Variants in MEIS1 observed in about 807,000 individuals in gnomAD.
MEIS1 encodes the protein Meis homeobox 1, also known as homeobox protein Meis1.
In MEIS1, 5 loss-of-function variants were observed where a neutral mutation model predicts 50.8. The observed-to-expected ratio is 0.10, with a 90% CI of 0.05 to 0.21. The LOEUF (loss-of-function observed/expected upper bound fraction) is 0.21, where lower values mean the gene tolerates loss of function less well. Ranked by LOEUF, MEIS1 falls within the 10% of genes least tolerant of loss-of-function variation. The pLI, the probability that MEIS1 is intolerant of heterozygous loss-of-function variation, is 1.00. For missense variants in MEIS1, 318 were observed against 517.3 expected (o/e 0.61, Z 3.74); for synonymous variants, 176 against 179.3 (o/e 0.98, Z 0.15).
intron 6 of MEIS1, among the ~76,000 whole-genome samples, chr2:66,444,838 A>G (rs1036053394): frequency 3.3e-5 from 5 of 152,240 alleles, no homozygotes; most frequent in South Asian, 2.1e-4. Flanking sequence ...ACATAAAGCT[A>G]TTTGAGCAAA....
chr2:66,519,463 C>T (rs1464758314), intron 8 of MEIS1, among the ~76,000 whole-genome samples: 1 of 151,884 alleles, frequency 6.6e-6, no homozygotes, highest in Admixed American at 6.6e-5. Flanking sequence ...TTGATAGTCA[C>T]TTCAGTGTGT....
intron 9 of MEIS1, among the ~76,000 whole-genome samples, chr2:66,559,175 C>A (rs115974196): frequency 0.021 from 3,109 of 151,598 alleles, 50 homozygotes; most frequent in South Asian, 0.058. Flanking sequence ...GACAAACAAA[C>A]AAGTAAACAA....
chr2:66,443,046 C>G lies in MEIS1; in HGVS notation c.628C>G (p.Gln210Glu), dbSNP rs1289683834. The change falls in exon 6 of 13, where the codon CAG becomes GAG. Residue 210 changes from glutamine to glutamate, a missense_variant and splice_region_variant. By Grantham distance (29) the Gln-to-Glu change is conservative (BLOSUM62 2). Around this residue, in one of 6 missense-constraint regions of MEIS1, gnomAD observed 48 missense variants for 50.9 expected, o/e 0.94. Coordinates refer to ENST00000272369, the MANE Select transcript of MEIS1 (RefSeq NM_002398.3). ...DITRSANLTD[Q>E]PSWNRDHDDT... ...AACAAGATCAGCAAATCTAACTGAC[C>G]AGGTATGCGCTTTTCAATTTCAACA... 1.3e-6 allele frequency: 2 copies of G among 1,572,468 alleles called. No homozygotes were observed. The highest frequency in any genetic ancestry group is 1.7e-6 in the Non-Finnish European group (2 of 1,166,674).
chr2:66,490,377 C>T (rs193111156), intron 7 of MEIS1, among the ~76,000 whole-genome samples: 34 of 152,248 alleles, frequency 2.2e-4, no homozygotes, highest in Admixed American at 5.2e-4. Flanking sequence ...CAAACAAACC[C>T]CCAACTCAAG....
intron 6 of MEIS1, among the ~76,000 whole-genome samples, chr2:66,460,948 A>G (rs1672503828): frequency 6.6e-6 from 1 of 152,198 alleles, no homozygotes. Context: ...AAAATCTTCC[A>G]TAGGTGATTC....
chr2:66,541,774 T>A lies in MEIS1; in HGVS notation c.889-6169T>A, dbSNP rs1674658270. Reference sequence around the variant, plus strand: ...AGTCCCAACACCACCCTTCCTTCTTTTGATTCCAGCATGTGCGAGGATGCA... The same window carrying A: ...AGTCCCAACACCACCCTTCCTTCTTATGATTCCAGCATGTGCGAGGATGCA... On this transcript the variant is annotated intron_variant, in intron 8 of 12. Transcript: ENST00000272369. Among the ~76,000 whole-genome samples, 6 of 152,204 alleles carry A rather than the reference T, an allele frequency of 3.9e-5. No homozygotes were observed. The South Asian group carries it at 1.2e-3, about 31-fold the overall frequency.
intron 8 of MEIS1, among the ~76,000 whole-genome samples, chr2:66,534,472 T>C (rs1353954180): frequency 1.3e-5 from 2 of 152,044 alleles, no homozygotes; most frequent in Non-Finnish European, 2.9e-5. Context: ...AGGCAGAGGT[T>C]GCAGTGAGCC....
chr2:66,512,550 A>AT (rs1198516752), intron 8 of MEIS1, among the ~76,000 whole-genome samples: 1 of 152,116 alleles, frequency 6.6e-6, no homozygotes, highest in African/African-American at 2.4e-5. Flanking sequence ...TGCACTTGTG[A>AT]TTTTAAGTAT....
At chr2:66,559,424 T>C (rs755466379) in intron 9 of MEIS1, among the ~76,000 whole-genome samples, 1 of 152,186 alleles carries the variant, frequency 6.6e-6, no homozygotes, top group Non-Finnish European at 1.5e-5. Flanking sequence ...ATATTTATAA[T>C]AGAGATTGGC....
intron 7 of MEIS1, among the ~76,000 whole-genome samples, chr2:66,488,601 C>A (rs919194420): frequency 2.0e-5 from 3 of 152,140 alleles, no homozygotes; most frequent in African/African-American, 7.2e-5. Flanking sequence ...TGGCATGAAC[C>A]CGGGAGGCAG....
At chr2:66,453,847 C>G (rs754824350) in intron 6 of MEIS1, among the ~76,000 whole-genome samples, 6 of 151,654 alleles carry the variant, frequency 4.0e-5, no homozygotes, top group Non-Finnish European at 7.4e-5. Flanking sequence ...CTTCTTATGT[C>G]TCAATTGTGT....
chr2:66,533,007 T>C (rs1006889263), intron 8 of MEIS1, among the ~76,000 whole-genome samples: 4 of 152,212 alleles, frequency 2.6e-5, no homozygotes, highest in African/African-American at 4.8e-5. Flanking sequence ...GTATTGTGAC[T>C]GTGCTAGAAT....
At chr2:66,455,474 G>A (rs1024802329) in intron 6 of MEIS1, among the ~76,000 whole-genome samples, 9 of 152,320 alleles carry the variant, frequency 5.9e-5, no homozygotes, top group African/African-American at 2.2e-4. Flanking sequence ...TATTCTGAGT[G>A]TTGTTTTACA....
In MEIS1 at chr2:66,535,909, C is replaced by T. The variant is rs189634091; in HGVS notation, c.889-12034C>T. ...ATTAAAAACTGAAGTGCATGGTGCACAGAATAGAGAAAATTAAATAGCTTA... is the reference window on the plus strand; with the variant it reads ...ATTAAAAACTGAAGTGCATGGTGCATAGAATAGAGAAAATTAAATAGCTTA... On this transcript the variant is annotated intron_variant, in intron 8 of 12. Coordinates refer to ENST00000272369, the MANE Select transcript of MEIS1 (RefSeq NM_002398.3). Among the ~76,000 whole-genome samples the T allele has an allele frequency of 3.7e-3, 568 of 152,108 alleles. 3 individuals are homozygous for T. Among genetic ancestry groups the T allele is most frequent in the Non-Finnish European group, 5.9e-3 (400 of 67,996 alleles).
intron 7 of MEIS1, among the ~76,000 whole-genome samples, chr2:66,502,104 T>C (rs1338214742): frequency 6.6e-6 from 1 of 152,260 alleles, no homozygotes; most frequent in Non-Finnish European, 1.5e-5. Flanking sequence ...GACCTAGATA[T>C]ACATACAGAT....
At position 66,572,527 on chromosome 2, in the gene MEIS1, C is replaced by T. The variant is rs1675506427; in HGVS notation, c.*1319C>T. On this transcript the variant is annotated 3_prime_UTR_variant, in exon 13 of 13. Coordinates refer to ENST00000272369, the MANE Select transcript of MEIS1 (RefSeq NM_002398.3). ...TGAGTTGGCATGCATACAAGATTTA[C>T]TAAGTGGGATAAGCTAATTATACTT... 6.6e-6 allele frequency: 1 copy of T among 151,954 alleles called. No homozygotes were observed. Among genetic ancestry groups the T allele is most frequent in the African/African-American group, 2.4e-5 (1 of 41,366 alleles). 9.4% of individuals were successfully genotyped at this position (151,954 alleles called of 1,614,324 possible).
At chr2:66,558,926 G>C (rs1266798335) in intron 9 of MEIS1, among the ~76,000 whole-genome samples, 1 of 152,134 alleles carries the variant, frequency 6.6e-6, no homozygotes, top group African/African-American at 2.4e-5. Context: ...CAGATCACCT[G>C]AGGTCAGGAG....
At chr2:66,513,873 T>A (rs1673898696) in intron 8 of MEIS1, among the ~76,000 whole-genome samples, 1 of 152,176 alleles carries the variant, frequency 6.6e-6, no homozygotes, top group African/African-American at 2.4e-5. Flanking sequence ...CAATCACTAA[T>A]GAACTAGGGG....
chr2:66,477,625 A>G (rs973998337), intron 7 of MEIS1, among the ~76,000 whole-genome samples: 2 of 152,198 alleles, frequency 1.3e-5, no homozygotes, highest in Non-Finnish European at 2.9e-5. Flanking sequence ...GGAAGAGGCC[A>G]GCCAAGCTGT....
Sources: gnomAD v4.1 joint callset for allele counts (sites outside exome capture counted in the v4.1 genomes callset) on GRCh38, gnomAD v4.1.1 for gene constraint, gnomAD v4.1.1 regional missense constraint, MANE v1.5 for transcripts, NCBI Gene and HGNC (gene_info 2026-07-23, HGNC 2026-07-21) for gene names.